Variants in PRDM16 observed in about 807,000 individuals in gnomAD.
PRDM16 encodes histone-lysine N-methyltransferase PRDM16.
In PRDM16, 23 loss-of-function variants were observed where a neutral mutation model predicts 110.6. The ratio of observed to expected loss-of-function variants is 0.21; its 90% CI spans 0.15 to 0.29. The LOEUF (loss-of-function observed/expected upper bound fraction) is 0.29. PRDM16 is among the 10% of genes least tolerant of loss of function. The probability of loss-of-function intolerance (pLI) is 1.00; values close to 1 mark genes in which losing one functional copy is unlikely to be tolerated. For synonymous variants in PRDM16, 799 were observed against 781.8 expected (o/e 1.02, Z -0.37); for missense variants, 1,615 against 1,794.3 (o/e 0.90, Z 1.81).
intron 3 of PRDM16, among the ~76,000 whole-genome samples, chr1:3,254,918 T>A (rs1422422299): frequency 6.6e-6 from 1 of 152,186 alleles, no homozygotes; most frequent in Non-Finnish European, 1.5e-5. Context: ...ACCACAAGGC[T>A]ACAGTAACCA....
At chr1:3,249,730 G>C (rs568366483) in intron 3 of PRDM16, among the ~76,000 whole-genome samples, 1 of 152,162 alleles carries the variant, frequency 6.6e-6, no homozygotes, top group South Asian at 2.1e-4. Flanking sequence ...GCAGTAAGCC[G>C]CGGACAAAAG....
At chr1:3,395,927 G>T (rs1643378667) in intron 4 of PRDM16, among the ~76,000 whole-genome samples, 1 of 152,206 alleles carries the variant, frequency 6.6e-6, no homozygotes, top group African/African-American at 2.4e-5. Flanking sequence ...TCAGCAGCAA[G>T]GCGCCAAGCT....
chr1:3,200,094 T>A (rs2651923), intron 2 of PRDM16, among the ~76,000 whole-genome samples: 1 of 152,264 alleles, frequency 6.6e-6, no homozygotes, highest in Admixed American at 6.5e-5. Flanking sequence ...TGTATCCCAG[T>A]GCAGAGGCTG....
intron 3 of PRDM16, among the ~76,000 whole-genome samples, chr1:3,380,774 G>A (rs1557643134): frequency 6.6e-6 from 1 of 152,178 alleles, no homozygotes; most frequent in African/African-American, 2.4e-5. Flanking sequence ...AAGGTGAGGG[G>A]GGCATTACAA....
intron 4 of PRDM16, among the ~76,000 whole-genome samples, chr1:3,391,612 G>A (rs1055424425): frequency 6.6e-6 from 1 of 152,202 alleles, no homozygotes; most frequent in South Asian, 2.1e-4. Flanking sequence ...GGATGGTGAC[G>A]GCATATCGCA....
chr1:3,257,510 A>G (rs554724582), intron 3 of PRDM16, among the ~76,000 whole-genome samples: 2 of 152,352 alleles, frequency 1.3e-5, no homozygotes, highest in South Asian at 4.1e-4. Context: ...GAAAAAAATA[A>G]AAGTCACATG....
chr1:3,166,529 A>T (rs554750726), intron 1 of PRDM16, among the ~76,000 whole-genome samples: 2 of 152,248 alleles, frequency 1.3e-5, no homozygotes, highest in Non-Finnish European at 2.9e-5. Flanking sequence ...TCTCAGGAAT[A>T]CAACCCCAGG....
intron 3 of PRDM16, among the ~76,000 whole-genome samples, chr1:3,362,737 C>T (rs1242642513): frequency 2.6e-5 from 4 of 152,154 alleles, no homozygotes; most frequent in African/African-American, 7.2e-5. Context: ...CAAAGCCGGC[C>T]GGGTCTCCTC....
intron 1 of PRDM16, among the ~76,000 whole-genome samples, chr1:3,164,897 G>A (rs543613073): frequency 3.9e-4 from 59 of 152,330 alleles, no homozygotes; most frequent in African/African-American, 1.3e-3. Context: ...CGTCGCCACC[G>A]TGGGGAATCA....
At chr1:3,356,818 G>A (rs115605885) in intron 3 of PRDM16, among the ~76,000 whole-genome samples, 2,119 of 152,248 alleles carry the variant, frequency 0.014, 23 homozygotes, top group Non-Finnish European at 0.022. Context: ...CCAGTGTGGC[G>A]GTTCCTTATC....
intron 2 of PRDM16, among the ~76,000 whole-genome samples, chr1:3,211,611 C>T (rs1425159985): frequency 6.6e-6 from 1 of 152,244 alleles, no homozygotes; most frequent in Admixed American, 6.5e-5. Context: ...GCCCCGGCCT[C>T]GTCCTTGGTC....
intron 1 of PRDM16, among the ~76,000 whole-genome samples, chr1:3,164,427 C>T (rs946177801): frequency 3.3e-5 from 5 of 152,166 alleles, no homozygotes; most frequent in African/African-American, 9.6e-5. Flanking sequence ...CGGACCCAGG[C>T]GGGGGACCCT....
chr1:3,350,260 G>A lies in PRDM16; in HGVS notation c.439-34892G>A, dbSNP rs935368174. Among the ~76,000 whole-genome samples the A allele has an allele frequency of 7.2e-5, 11 of 152,122 alleles. No homozygotes were observed. The highest frequency in any genetic ancestry group is 4.2e-4 in the South Asian group (2 of 4,814). The stretch of plus-strand genomic sequence containing the variant: ...AGGATCGCTTGAGCTCAGGAGGTCC[G>A]GGCTACAGAGAGCTGTGATCACACC... On this transcript the variant is annotated intron_variant, in intron 3 of 16. Transcript: ENST00000270722. This position sits in a 1 kb window ranked among gnomAD's most constrained non-coding sequence, Gnocchi z 7.1.
At chr1:3,122,229 T>C (rs192767705) in intron 1 of PRDM16, among the ~76,000 whole-genome samples, 3 of 151,908 alleles carry the variant, frequency 2.0e-5, no homozygotes, top group Admixed American at 6.5e-5. Flanking sequence ...AAAAACCGAG[T>C]GCCCCTTCTA....
At chr1:3,254,609 G>A in intron 3 of PRDM16, among the ~76,000 whole-genome samples, 1 of 152,098 alleles carries the variant, frequency 6.6e-6, no homozygotes, top group African/African-American at 2.4e-5. Context: ...GGGACATGAA[G>A]GACCTCTTCA....
At chr1:3,334,068 G>A (rs146348660) in intron 3 of PRDM16, among the ~76,000 whole-genome samples, 132 of 152,322 alleles carry the variant, frequency 8.7e-4, no homozygotes, top group African/African-American at 2.8e-3. Flanking sequence ...CAGCTGACCT[G>A]GCACAGGATT....
intron 3 of PRDM16, among the ~76,000 whole-genome samples, chr1:3,322,816 G>T (rs1641791954): frequency 6.6e-6 from 1 of 152,230 alleles, no homozygotes; most frequent in Admixed American, 6.5e-5. Context: ...CACCCTGTTC[G>T]TGCCCCAGGA....
intron 3 of PRDM16, among the ~76,000 whole-genome samples, chr1:3,285,980 T>C (rs1335572806): frequency 6.6e-6 from 1 of 152,152 alleles, no homozygotes; most frequent in Non-Finnish European, 1.5e-5. Flanking sequence ...AAAAGAACAT[T>C]TGACGAGCTC....
At position 3,402,802 on chromosome 1, in the gene PRDM16, T is replaced by C; in HGVS notation, c.688T>C (p.Phe230Leu). The change falls in exon 6 of 17, where the codon TTC becomes CTC. Residue 230 changes from phenylalanine to leucine, a missense_variant. Physicochemically the swap from Phe to Leu is conservative, Grantham distance 22 (BLOSUM62 0). Coordinates refer to ENST00000270722, the MANE Select transcript of PRDM16 (RefSeq NM_022114.4). ...VPPGLDEEPTFRCDECDELFQ... is the reference protein window; with the variant it reads ...VPPGLDEEPTLRCDECDELFQ... ...TCTCTCTCTTGCAGAGGAGCCCACG[T>C]TCCGCTGTGACGAGTGTGACGAACT... is the stretch of plus-strand genomic sequence containing the variant. 1 of 1,611,694 alleles carries C rather than the reference T, an allele frequency of 6.2e-7. No homozygotes were observed. Among genetic ancestry groups the C allele is most frequent in the Admixed American group, 1.7e-5 (1 of 60,004 alleles).
Sources: gnomAD v4.1 joint callset for allele counts (sites outside exome capture counted in the v4.1 genomes callset) on GRCh38, gnomAD v4.1.1 for gene constraint, Gnocchi (gnomAD v3.1) non-coding constraint, MANE v1.5 for transcripts, NCBI Gene and HGNC (gene_info 2026-07-23, HGNC 2026-07-21) for gene names.